The following DPF3 variants were observed in gnomAD, a reference collection of about 807,000 sequenced individuals.
DPF3 encodes the protein zinc finger protein DPF3.
In DPF3, 18 loss-of-function variants were observed where a neutral mutation model predicts 56.8. That is an observed-to-expected ratio of 0.32 (90% CI 0.22 to 0.47). The LOEUF (loss-of-function observed/expected upper bound fraction) is 0.47, where lower values mean the gene tolerates loss of function less well. Ranked by LOEUF, DPF3 falls within the 20% of genes least tolerant of loss-of-function variation. The pLI is 1.00. For synonymous variants in DPF3, 188 were observed against 180.2 expected, an observed-to-expected ratio of 1.04 and a Z score of -0.35; for missense variants, 403 against 488.8, an observed-to-expected ratio of 0.82 and a Z score of 1.65.
At chr14:72,810,367 A>C (rs1882985112) in intron 1 of DPF3, among the ~76,000 whole-genome samples, 1 of 152,222 alleles carries the variant, frequency 6.6e-6, no homozygotes, top group Non-Finnish European at 1.5e-5. Context: ...CAGGACACAG[A>C]GGAAGGAAGA....
intron 7 of DPF3, among the ~76,000 whole-genome samples, chr14:72,684,734 T>A (rs909956363): frequency 6.6e-6 from 1 of 152,092 alleles, no homozygotes; most frequent in Admixed American, 6.6e-5. Context: ...GTAAAGAGCT[T>A]TGAAGAGTAA....
At chr14:72,635,176 G>A (rs1885351180) in intron 8 of DPF3, among the ~76,000 whole-genome samples, 1 of 152,160 alleles carries the variant, frequency 6.6e-6, no homozygotes, top group Non-Finnish European at 1.5e-5. Context: ...TGGGCTTTTG[G>A]GAGATCAGCA....
chr14:72,610,518 C>T lies in DPF3; in HGVS notation c.*8779G>A, dbSNP rs1883659022. On this transcript the variant is annotated 3_prime_UTR_variant, in exon 11 of 11. Coordinates refer to ENST00000556509, the MANE Select transcript of DPF3 (RefSeq NM_001280542.3). ...TTCTTTTGGCTTCTTAGCAGAGATG[C>T]TCCATGTCTTGGCTGTCAGAGAAAT... Among the ~76,000 whole-genome samples, 1 of 152,256 alleles carries T rather than the reference C, an allele frequency of 6.6e-6. No individual in the cohort carries two copies. The highest frequency in any genetic ancestry group is 2.1e-4 in the South Asian group (1 of 4,836).
chr14:72,828,163 C>T (rs61986324), intron 1 of DPF3, among the ~76,000 whole-genome samples: 7,124 of 152,208 alleles, frequency 0.047, 241 homozygotes, highest in Non-Finnish European at 0.077. Flanking sequence ...TAAATTTTCC[C>T]TCCTTTCTCC....
chr14:72,721,262 G>A (rs1889160333), intron 5 of DPF3, among the ~76,000 whole-genome samples: 1 of 152,236 alleles, frequency 6.6e-6, no homozygotes, highest in Admixed American at 6.5e-5. Flanking sequence ...TGCACTGACT[G>A]CTGATGTTTT....
At chr14:72,672,913 T>C (rs1490305125) in intron 8 of DPF3, among the ~76,000 whole-genome samples, 1 of 151,850 alleles carries the variant, frequency 6.6e-6, no homozygotes, top group Non-Finnish European at 1.5e-5. Flanking sequence ...ATTTCATCTG[T>C]TTTTTTTAAG....
chr14:72,861,026 T>TACACACACACACAC (rs10570653), intron 1 of DPF3, among the ~76,000 whole-genome samples: 1 of 147,864 alleles, frequency 6.8e-6, no homozygotes. Context: ...GTTCTCACTA[T>TACACACACACACAC]ACACACACAC....
intron 1 of DPF3, chr14:72,806,704 C>T (rs1484555403): frequency 6.6e-6 from 1 of 152,180 alleles, no homozygotes; most frequent in Non-Finnish European, 1.5e-5. Flanking sequence ...ATTCGACATG[C>T]TTTTTTATGT....
At chr14:72,806,780 A>G (rs1162841371) in intron 1 of DPF3, 1 of 152,102 alleles carries the variant, frequency 6.6e-6, no homozygotes, top group South Asian at 2.1e-4. Flanking sequence ...CCTACCTTAC[A>G]GCAGAGTTCA....
At chr14:72,823,034 C>G (rs1412230069) in intron 1 of DPF3, among the ~76,000 whole-genome samples, 1 of 152,146 alleles carries the variant, frequency 6.6e-6, no homozygotes, top group Non-Finnish European at 1.5e-5. Context: ...CTATTGCAAC[C>G]AGTACAAAAA....
chr14:72,801,406 G>C (rs904408876), intron 1 of DPF3, among the ~76,000 whole-genome samples: 2 of 152,200 alleles, frequency 1.3e-5, no homozygotes, highest in Non-Finnish European at 2.9e-5. Flanking sequence ...GCCAGGACAA[G>C]GCCTGTCCCT....
At chr14:72,692,955 A>G (rs1887754295) in intron 7 of DPF3, 121 bp downstream of exon 7, 2 of 1,521,414 alleles carry the variant, frequency 1.3e-6, no homozygotes, top group Non-Finnish European at 1.8e-6. Context: ...ACTACAGCAC[A>G]TTGAGACCAC....
intron 1 of DPF3, among the ~76,000 whole-genome samples, chr14:72,871,924 T>C (rs540240092): frequency 6.6e-6 from 1 of 152,286 alleles, no homozygotes; most frequent in Non-Finnish European, 1.5e-5. Context: ...CCTTCTGCAC[T>C]GCCCTAGCAG....
At chr14:72,850,992 G>C (rs1409035529) in intron 1 of DPF3, among the ~76,000 whole-genome samples, 2 of 152,178 alleles carry the variant, frequency 1.3e-5, no homozygotes, top group Non-Finnish European at 2.9e-5. Context: ...AGCTGCTGAT[G>C]GTTGCCATAG....
chr14:72,744,993 T>C (rs1305003151), intron 3 of DPF3, among the ~76,000 whole-genome samples: 3 of 151,202 alleles, frequency 2.0e-5, no homozygotes, highest in Non-Finnish European at 4.4e-5. Flanking sequence ...GCTTCAACAG[T>C]ACTAGGCAAA....
chr14:72,745,450 C>A (rs535106822), intron 3 of DPF3, among the ~76,000 whole-genome samples: 1 of 151,962 alleles, frequency 6.6e-6, no homozygotes, highest in African/African-American at 2.4e-5. Flanking sequence ...TTATTACAAA[C>A]CATGCCACAA....
At chr14:72,698,274 T>C (rs1474029997) in intron 6 of DPF3, among the ~76,000 whole-genome samples, 2 of 152,248 alleles carry the variant, frequency 1.3e-5, no homozygotes, top group East Asian at 3.8e-4. Flanking sequence ...ATACAGCTGT[T>C]CTGTTTTTCA....
chr14:72,822,608 A>G (rs1031956959), intron 1 of DPF3, among the ~76,000 whole-genome samples: 2 of 152,336 alleles, frequency 1.3e-5, no homozygotes, highest in Middle Eastern at 6.8e-3. Context: ...GGGGTGACAG[A>G]GACTTAGATT....
In DPF3 at chr14:72,714,359, G is replaced by T. The variant is rs538317502; in HGVS notation, c.604+64C>A. 9 of 1,597,040 alleles carry T rather than the reference G, an allele frequency of 5.6e-6. No homozygotes were observed. In the African/African-American group the frequency reaches 1.2e-4, roughly 21 times the overall value. ...GCAGGCGGATGGCCAAGGAAGCACA[G>T]GGAAGAGGGGCCCTGGGGGCAGGCG... On this transcript the variant is annotated intron_variant, in intron 6 of 10. Transcript: ENST00000556509.
Sources: gnomAD v4.1 joint callset for allele counts (sites outside exome capture counted in the v4.1 genomes callset) on GRCh38, gnomAD v4.1.1 for gene constraint, MANE v1.5 for transcripts, NCBI Gene and HGNC (gene_info 2026-07-23, HGNC 2026-07-21) for gene names.